PREP: variants seen among roughly 807,000 people sequenced by gnomAD.
PREP encodes the protein dJ355L5.1 (prolyl endopeptidase).
PREP carries 29 observed loss-of-function variants against 87.6 expected under a neutral mutation model. The observed-to-expected ratio is 0.33, with a 90% CI of 0.25 to 0.45. The LOEUF is 0.45. Among genes scored for constraint, PREP ranks in the 20% least tolerant of loss-of-function variants. The pLI is 1.00. For synonymous variants in PREP, 337 were observed against 328.6 expected, an observed-to-expected ratio of 1.03 and a Z score of -0.28; for missense variants, 695 against 886.5, an observed-to-expected ratio of 0.78 and a Z score of 2.74.
rs202038941 is a variant in PREP, at chr6:105,288,717, A to G, written c.1454+41T>C. ...CTCTGGTTTGTTTCCACTATATGGA[A>G]AAGATAAAATACTGGCACTCTGAGT... On this transcript the variant is annotated intron_variant, in intron 11 of 14. Transcript: ENST00000652536. 1,729 of 1,608,426 alleles carry G rather than the reference A, an allele frequency of 1.1e-3. 3 individuals are homozygous for G. Among genetic ancestry groups the G allele is most frequent in the Non-Finnish European group, 1.3e-3 (1,587 of 1,177,176 alleles).
intron 6 of PREP, among the ~76,000 whole-genome samples, chr6:105,354,975 C>T (rs1449706499): frequency 6.6e-6 from 1 of 151,798 alleles, no homozygotes; most frequent in African/African-American, 2.4e-5. Flanking sequence ...AAAAATGTTA[C>T]ATCTATTCAG....
At position 105,275,621 on chromosome 6, in the gene PREP, A is replaced by G. The variant is rs1769916579; in HGVS notation, c.*2523T>C. On this transcript the variant is annotated 3_prime_UTR_variant, in exon 15 of 15. Transcript: ENST00000652536. ...GAAAGGAAATCAGTATATCAAAAAG[A>G]TATCTGCACTCCTGTGTCTACTGCA... Among the ~76,000 whole-genome samples, 1 of 152,248 alleles carries G rather than the reference A, an allele frequency of 6.6e-6. No individual in the cohort carries two copies. Among genetic ancestry groups the G allele is most frequent in the African/African-American group, 2.4e-5 (1 of 41,460 alleles).
At position 105,277,177 on chromosome 6, in the gene PREP, T is replaced by TC. The variant is rs1583030328; in HGVS notation, c.*966dup. ...AAACCAAAACTTTTTTTTTTTTTTTTCCAGTAAGTAAGTATGACTATTTCT... is the reference window on the plus strand; with the variant it reads ...AAACCAAAACTTTTTTTTTTTTTTTTCCCAGTAAGTAAGTATGACTATTTCT... On this transcript the variant is annotated 3_prime_UTR_variant, in exon 15 of 15. Transcript: ENST00000652536. Among the ~76,000 whole-genome samples the TC allele has an allele frequency of 7.1e-6, 1 of 140,086 alleles. No individual in the cohort carries two copies. The highest frequency in any genetic ancestry group is 3.1e-5 in the African/African-American group (1 of 32,108). 91.9% of individuals were successfully genotyped at this position (140,086 alleles called of 152,430 possible).
intron 12 of PREP, 25 bp downstream of exon 12, chr6:105,285,461 T>C (rs369338726): frequency 6.3e-7 from 1 of 1,584,920 alleles, no homozygotes; most frequent in Non-Finnish European, 8.7e-7. Flanking sequence ...GTCAGACTTG[T>C]GTTTCTGTAG....
intron 5 of PREP, among the ~76,000 whole-genome samples, chr6:105,372,506 C>T (rs1279659734): frequency 6.6e-6 from 1 of 152,158 alleles, no homozygotes; most frequent in Non-Finnish European, 1.5e-5. Context: ...GTACAAGGTA[C>T]ATAGCCCTTC....
At chr6:105,368,018 T>TC (rs1432470858) in intron 6 of PREP, among the ~76,000 whole-genome samples, 1 of 152,178 alleles carries the variant, frequency 6.6e-6, no homozygotes, top group Non-Finnish European at 1.5e-5. Flanking sequence ...GAAGATCAAT[T>TC]CCCATGGAAT....
intron 10 of PREP, among the ~76,000 whole-genome samples, chr6:105,313,930 C>A (rs1770809713): frequency 6.6e-6 from 1 of 152,098 alleles, no homozygotes; most frequent in Non-Finnish European, 1.5e-5. Flanking sequence ...CACATGGTGA[C>A]CAACACTAAG....
chr6:105,333,635 G>T, intron 7 of PREP, 130 bp from the exon 8 acceptor site: 2 of 950,724 alleles, frequency 2.1e-6, no homozygotes, highest in Non-Finnish European at 3.2e-6. Context: ...AAGATCTAGG[G>T]CATGAAAAGG....
At chr6:105,394,925 G>C (rs1262174655) in intron 2 of PREP, among the ~76,000 whole-genome samples, 1 of 149,740 alleles carries the variant, frequency 6.7e-6, no homozygotes, top group Non-Finnish European at 1.5e-5. Flanking sequence ...GAAATGTGGA[G>C]ATCTAGAAAA....
intron 6 of PREP, among the ~76,000 whole-genome samples, chr6:105,366,244 G>A (rs553151972): frequency 3.9e-5 from 6 of 152,268 alleles, no homozygotes; most frequent in East Asian, 1.9e-4. Context: ...GCGACAGAGC[G>A]AGACTCCATC....
At chr6:105,357,829 T>G (rs1583078926) in intron 6 of PREP, among the ~76,000 whole-genome samples, 1 of 151,112 alleles carries the variant, frequency 6.6e-6, no homozygotes, top group African/African-American at 2.4e-5. Context: ...AAGCCAGATT[T>G]AAAAAAAGAA....
intron 12 of PREP, among the ~76,000 whole-genome samples, chr6:105,284,433 T>G (rs942330009): frequency 6.6e-6 from 1 of 152,010 alleles, no homozygotes; most frequent in Non-Finnish European, 1.5e-5. Context: ...TTTGATTTGA[T>G]GCAAAAAAAA....
chr6:105,300,623 T>TA (rs138225078), intron 10 of PREP, among the ~76,000 whole-genome samples: 24,287 of 146,632 alleles, frequency 0.17, 2,253 homozygotes, highest in African/African-American at 0.28. Flanking sequence ...TGCTTTATGT[T>TA]AAAAAAAAAA....
At chr6:105,374,520 A>G (rs1023088162) in intron 4 of PREP, among the ~76,000 whole-genome samples, 1 of 151,680 alleles carries the variant, frequency 6.6e-6, no homozygotes, top group African/African-American at 2.4e-5. Flanking sequence ...TGTAGGTCCT[A>G]TAAAGTATCT....
intron 7 of PREP, among the ~76,000 whole-genome samples, chr6:105,339,628 TA>T (rs962469658): frequency 5.8e-4 from 89 of 152,150 alleles, no homozygotes; most frequent in African/African-American, 2.0e-3. Flanking sequence ...GCAAAGAAGC[TA>T]AAAACCTTGA....
In PREP at chr6:105,391,023, C is replaced by A. The variant is rs147665386; in HGVS notation, c.120+6830G>T. On this transcript the variant is annotated intron_variant, in intron 2 of 14. Coordinates refer to ENST00000652536, the MANE Select transcript of PREP (RefSeq NM_002726.5). ...GGAATATATGCTGATTTATCTAAGT[C>A]TCTGGTTTTATACACACACACACAC... Among the ~76,000 whole-genome samples, 481 of 138,598 alleles carry A rather than the reference C, an allele frequency of 3.5e-3. 9 individuals carry two copies. The highest frequency in any genetic ancestry group is 0.028 in the Admixed American group (408 of 14,532). 90.9% of individuals were successfully genotyped at this position (138,598 alleles called of 152,430 possible).
At chr6:105,368,873 T>C (rs1429066751) in intron 6 of PREP, 30 bp downstream of exon 6, 1 of 1,611,962 alleles carries the variant, frequency 6.2e-7, no homozygotes, top group East Asian at 2.2e-5. Context: ...ACACAGTCTT[T>C]GGGGGTAAAA....
chr6:105,361,480 G>GT (rs1394698129), intron 6 of PREP, among the ~76,000 whole-genome samples: 1 of 151,976 alleles, frequency 6.6e-6, no homozygotes, highest in African/African-American at 2.4e-5. Context: ...GGCAAAGAAA[G>GT]TTTTTTCATT....
rs1382585310 is a variant in PREP at position 105,282,545 on chromosome 6, G to A, written c.1587C>T (p.Asp529=). The A allele has an allele frequency of 6.2e-7, 1 of 1,614,018 alleles. No homozygotes were observed. Among genetic ancestry groups the A allele is most frequent in the South Asian group, 1.1e-5 (1 of 91,080 alleles). Residue 529 remains aspartate, a synonymous_variant, in exon 13 of 15, where the codon GAC becomes GAT. Coordinates refer to ENST00000652536, the MANE Select transcript of PREP (RefSeq NM_002726.5). The part of the protein sequence containing the change: ...ILANKQNCFD[D]FQCAAEYLIK... ...TCAGATACTCAGCAGCACACTGAAA[G>A]TCATCAAAGCAGTTTTGTTTGTTGG...
Sources: allele counts gnomAD v4.1 joint callset (sites outside exome capture counted in the v4.1 genomes callset), GRCh38; gene constraint gnomAD v4.1.1; transcripts MANE v1.5; gene names NCBI Gene and HGNC (gene_info 2026-07-23, HGNC 2026-07-21).